The following PAK5 variants were observed in gnomAD, a reference collection of about 807,000 sequenced individuals.
PAK5 encodes serine/threonine-protein kinase PAK 5.
PAK5 carries 16 observed loss-of-function variants against 65.9 expected under a neutral mutation model. That is an observed-to-expected ratio of 0.24 (90% CI 0.16 to 0.37). PAK5 has a LOEUF of 0.37. Among genes scored for constraint, PAK5 ranks in the 10% least tolerant of loss-of-function variants. The pLI is 1.00. For missense variants in PAK5, 785 were observed against 903.9 expected, an observed-to-expected ratio of 0.87 and a Z score of 1.69; for synonymous variants, 371 against 354.9, an observed-to-expected ratio of 1.05 and a Z score of -0.51.
At chr20:9,550,731 G>GGTGTGTGTGT (rs111410496) in intron 7 of PAK5, among the ~76,000 whole-genome samples, 21,908 of 148,342 alleles carry the variant, frequency 0.15, 2,027 homozygotes, top group African/African-American at 0.27. Context: ...CCATAATTGT[G>GGTGTGTGTGT]GTGTGTGTGT....
At chr20:9,576,713 T>G (rs534911081) in intron 4 of PAK5, among the ~76,000 whole-genome samples, 1 of 152,344 alleles carries the variant, frequency 6.6e-6, no homozygotes, top group South Asian at 2.1e-4. Context: ...CTACTGGAAA[T>G]GCATGCAATG....
At chr20:9,594,673 T>A (rs913362616) in intron 3 of PAK5, among the ~76,000 whole-genome samples, 5 of 152,088 alleles carry the variant, frequency 3.3e-5, no homozygotes, top group African/African-American at 1.2e-4. Context: ...GATATGGGAG[T>A]CCCTCTCCTT....
chr20:9,686,839 C>G (rs747179977), intron 2 of PAK5, among the ~76,000 whole-genome samples: 3 of 151,942 alleles, frequency 2.0e-5, no homozygotes, highest in African/African-American at 4.8e-5. Context: ...AGGCAAGCAT[C>G]GAGTATAAGG....
At chr20:9,823,296 T>C (rs932325375) in intron 1 of PAK5, among the ~76,000 whole-genome samples, 8 of 152,112 alleles carry the variant, frequency 5.3e-5, no homozygotes, top group African/African-American at 1.7e-4. Context: ...GAGAAATAAA[T>C]TTCTATTATT....
intron 1 of PAK5, among the ~76,000 whole-genome samples, chr20:9,762,060 C>T (rs2423470): frequency 6.6e-6 from 1 of 151,858 alleles, no homozygotes; most frequent in Non-Finnish European, 1.5e-5. Context: ...TGAATATTCA[C>T]ATGTAAAATA....
At chr20:9,809,485 C>A (rs938866250) in intron 1 of PAK5, among the ~76,000 whole-genome samples, 2 of 152,054 alleles carry the variant, frequency 1.3e-5, no homozygotes, top group Non-Finnish European at 2.9e-5. Context: ...ACAGCTGAGA[C>A]AACTGAATGA....
chr20:9,776,848 T>G (rs2048892273), intron 1 of PAK5, among the ~76,000 whole-genome samples: 1 of 152,234 alleles, frequency 6.6e-6, no homozygotes, highest in Non-Finnish European at 1.5e-5. Flanking sequence ...TAAGTTGCTC[T>G]TGAATTTCTG....
At chr20:9,629,739 G>A (rs564128348) in intron 3 of PAK5, among the ~76,000 whole-genome samples, 1 of 152,330 alleles carries the variant, frequency 6.6e-6, no homozygotes, top group Admixed American at 6.5e-5. Context: ...TCACATTGGG[G>A]ATTAGCATCT....
At chr20:9,832,122 A>G (rs1978769404) in intron 1 of PAK5, among the ~76,000 whole-genome samples, 1 of 151,962 alleles carries the variant, frequency 6.6e-6, no homozygotes, top group Non-Finnish European at 1.5e-5. Flanking sequence ...TTCTAGTTAT[A>G]TAGGTTCTTT....
chr20:9,620,828 G>A (rs2046754368), intron 3 of PAK5, among the ~76,000 whole-genome samples: 2 of 152,048 alleles, frequency 1.3e-5, no homozygotes, highest in Admixed American at 1.3e-4. Context: ...GTCCCCAGGT[G>A]TAGTTTCCAT....
intron 3 of PAK5, among the ~76,000 whole-genome samples, chr20:9,628,641 T>C (rs2046879798): frequency 6.6e-6 from 1 of 151,586 alleles, no homozygotes; most frequent in South Asian, 2.1e-4. Context: ...TCTCAGAACA[T>C]AGTAGGTGCA....
At chr20:9,625,033 G>T (rs1050500669) in intron 3 of PAK5, among the ~76,000 whole-genome samples, 3 of 152,112 alleles carry the variant, frequency 2.0e-5, no homozygotes, top group East Asian at 3.9e-4. Context: ...ATTCATGAAG[G>T]TTAAAAAAGT....
At chr20:9,820,752 T>C (rs2049410482) in intron 1 of PAK5, among the ~76,000 whole-genome samples, 1 of 152,158 alleles carries the variant, frequency 6.6e-6, no homozygotes, top group African/African-American at 2.4e-5. Context: ...TGGAATCACC[T>C]CAGATGTGAA....
chr20:9,572,835 A>AT (rs2045814669), intron 4 of PAK5, among the ~76,000 whole-genome samples: 1 of 152,212 alleles, frequency 6.6e-6, no homozygotes, highest in African/African-American at 2.4e-5. Flanking sequence ...CAGTGCTGTG[A>AT]TTTTGTGAAC....
At chr20:9,714,295 T>G (rs2048114784) in intron 1 of PAK5, among the ~76,000 whole-genome samples, 2 of 152,140 alleles carry the variant, frequency 1.3e-5, no homozygotes, top group Admixed American at 1.3e-4. Flanking sequence ...TCAACCTAAA[T>G]TCCTAGAAAA....
intron 2 of PAK5, among the ~76,000 whole-genome samples, chr20:9,679,007 C>A (rs2047613827): frequency 6.6e-6 from 1 of 152,112 alleles, no homozygotes; most frequent in Admixed American, 6.5e-5. Context: ...CATGTGTTCA[C>A]CTAGATGCAG....
chr20:9,648,282 A>G (rs926547080), intron 2 of PAK5, among the ~76,000 whole-genome samples: 3 of 152,196 alleles, frequency 2.0e-5, no homozygotes, highest in African/African-American at 7.2e-5. Flanking sequence ...GTCTTCTCCT[A>G]GTGAACTCAC....
chr20:9,596,411 C>A (rs917692502), intron 3 of PAK5, among the ~76,000 whole-genome samples: 2 of 151,924 alleles, frequency 1.3e-5, no homozygotes, highest in African/African-American at 4.8e-5. Flanking sequence ...CCGAGGCGGG[C>A]GGATCACAAG....
intron 2 of PAK5, among the ~76,000 whole-genome samples, chr20:9,675,451 T>A (rs1262483447): frequency 2.0e-5 from 3 of 152,142 alleles, no homozygotes; most frequent in Non-Finnish European, 2.9e-5. Context: ...TTGTTCAACA[T>A]TTGAATAAAT....
Sources: gnomAD v4.1 joint callset for allele counts (sites outside exome capture counted in the v4.1 genomes callset) on GRCh38, gnomAD v4.1.1 for gene constraint, MANE v1.5 for transcripts, NCBI Gene and HGNC (gene_info 2026-07-23, HGNC 2026-07-21) for gene names.